ATP13A3: variants seen among roughly 807,000 people sequenced by gnomAD.
The protein encoded by ATP13A3 is ATPase 13A3.
A neutral mutation model predicts 158.1 loss-of-function variants in ATP13A3; 59 were observed. That is an observed-to-expected ratio of 0.37 (90% CI 0.30 to 0.46). The LOEUF is 0.46. ATP13A3 is among the 20% of genes least tolerant of loss of function. The pLI is 1.00. For missense variants in ATP13A3, 1,166 were observed against 1,525.2 expected, an observed-to-expected ratio of 0.76 and a Z score of 3.92; for synonymous variants, 491 against 504.3, an observed-to-expected ratio of 0.97 and a Z score of 0.35.
intron 31 of ATP13A3, among the ~76,000 whole-genome samples, chr3:194,415,899 T>C (rs1160519360): frequency 6.6e-6 from 1 of 152,154 alleles, no homozygotes; most frequent in Non-Finnish European, 1.5e-5. Flanking sequence ...TCACAAACTT[T>C]GTAAGTTTAA....
Position 194,404,060 on chromosome 3 carries a change from A to AATTG in ATP13A3, c.*1855_*1858dup, listed in dbSNP as rs1302355922. The AATTG allele has an allele frequency of 2.2e-6, 1 of 445,828 alleles. No individual in the cohort carries two copies. The highest frequency in any genetic ancestry group is 2.6e-5 in the Admixed American group (1 of 38,792). The allele number at this position is 445,828 out of a possible 1,614,324, so 27.6% of individuals were successfully genotyped here. A position where few individuals can be genotyped will look rare whatever the true frequency, so the allele number is the denominator to read the frequency against. ...ACTTAAACCAAAGAATAAAATGCAC[A>AATTG]ATTGTGGAAATCACTGAAGAATAAC... On this transcript the variant is annotated 3_prime_UTR_variant, in exon 34 of 34. Transcript: ENST00000645319.
At chr3:194,421,320 G>A (rs2153521) in intron 30 of ATP13A3, among the ~76,000 whole-genome samples, 35 of 146,730 alleles carry the variant, frequency 2.4e-4, no homozygotes, top group African/African-American at 8.9e-4. Flanking sequence ...TTGGGAGGCC[G>A]AGGCGGGCGG....
chr3:194,430,139 C>T lies in ATP13A3; in HGVS notation c.2710G>A (p.Glu904Lys), dbSNP rs1717111007. 5 of 1,613,994 alleles carry T rather than the reference C, an allele frequency of 3.1e-6. No individual in the cohort carries two copies. Among genetic ancestry groups the T allele is most frequent in the South Asian group, 2.2e-5 (2 of 91,082 alleles). The change falls in exon 26 of 34, where the codon GAA (glutamate) becomes AAA (lysine). Residue 904 changes from glutamate (E) to lysine (K), a missense_variant. Physicochemically the swap from Glu to Lys is moderately conservative, Grantham distance 56 (BLOSUM62 1). This residue lies in a region of ATP13A3 where 997 missense variants were observed against 1,341.2 expected (regional missense o/e 0.74). Coordinates refer to ENST00000645319, the MANE Select transcript of ATP13A3 (RefSeq NM_001367549.1). ...AHGGISLSEL[E>K]ASVASPFTSK... Reference sequence around the variant, plus strand: ...GTAAAGGGAGATGCCACTGAAGCTTCGAGCTCCGATAAGGAAATGCCTCCG... The same window carrying T: ...GTAAAGGGAGATGCCACTGAAGCTTTGAGCTCCGATAAGGAAATGCCTCCG...
chr3:194,445,551 TA>T (rs1718344358), intron 14 of ATP13A3, among the ~76,000 whole-genome samples: 1 of 152,198 alleles, frequency 6.6e-6, no homozygotes. Context: ...GGGTAATGAG[TA>T]AATGAGTGTT....
intron 33 of ATP13A3, among the ~76,000 whole-genome samples, chr3:194,409,598 G>C (rs1715198909): frequency 6.6e-6 from 1 of 151,760 alleles, no homozygotes; most frequent in South Asian, 2.1e-4. Flanking sequence ...ACAGATGATG[G>C]GGGTCTCCAC....
rs143962713 is a variant in ATP13A3, at chr3:194,421,883, C to T, written c.3314-1916G>A. 2.9e-4 allele frequency among the ~76,000 whole-genome samples: 42 copies of T among 143,072 alleles called. No individual in the cohort carries two copies. In the East Asian group the frequency reaches 8.4e-3, roughly 28 times the overall value. 93.9% of individuals were successfully genotyped at this position (143,072 alleles called of 152,430 possible). A position where few individuals can be genotyped will look rare whatever the true frequency, so the allele number is the denominator to read the frequency against. On this transcript the variant is annotated intron_variant, in intron 30 of 33. Coordinates refer to ENST00000645319, the MANE Select transcript of ATP13A3 (RefSeq NM_001367549.1). ...ATTGCATGTTTTTCAAATCTGATTG[C>T]ATTTTTCAAACCACAGCAAAAACAG...
In ATP13A3 at chr3:194,486,226, C is replaced by T. The variant is rs980166459; in HGVS notation, c.-89+340G>A. On this transcript the variant is annotated intron_variant, in intron 1 of 33. Transcript: ENST00000645319. ...CACGGCTGAGGACGAGCTAGGGTCC[C>T]GCACAGACTCATCGAGGGCCCTGCC... 2.6e-5 allele frequency among the ~76,000 whole-genome samples: 4 copies of T among 151,944 alleles called. No individual in the cohort carries two copies. The South Asian group carries it at 8.3e-4, about 32-fold the overall frequency.
chr3:194,484,541 G>A (rs1048183756), intron 2 of ATP13A3, among the ~76,000 whole-genome samples: 3 of 151,680 alleles, frequency 2.0e-5, no homozygotes, highest in South Asian at 2.1e-4. Context: ...GTGAGAATAA[G>A]CAGTGATGGG....
chr3:194,456,014 T>C, intron 7 of ATP13A3, 52 bp from the exon 8 acceptor site: 1 of 1,160,526 alleles, frequency 8.6e-7, no homozygotes, highest in Non-Finnish European at 1.2e-6. Context: ...AATAGTATAA[T>C]TTACGAAAGG....
intron 7 of ATP13A3, among the ~76,000 whole-genome samples, chr3:194,456,562 G>A (rs1719244364): frequency 6.6e-6 from 1 of 151,932 alleles, no homozygotes; most frequent in South Asian, 2.1e-4. Flanking sequence ...ATTTCTTATT[G>A]AATTTCAAAG....
intron 2 of ATP13A3, chr3:194,472,153 A>T (rs562183726): frequency 1.3e-5 from 2 of 154,392 alleles, no homozygotes; most frequent in African/African-American, 2.4e-5. Context: ...GCAGTGCCCA[A>T]TGACGACATT....
chr3:194,464,510 T>C (rs1163962369), intron 2 of ATP13A3, among the ~76,000 whole-genome samples: 2 of 152,224 alleles, frequency 1.3e-5, no homozygotes, highest in Non-Finnish European at 2.9e-5. Flanking sequence ...TTTCAAGGGC[T>C]GTGCCTGCTA....
intron 32 of ATP13A3, 49 bp from the exon 33 acceptor site, chr3:194,412,337 T>C (rs1370630282): frequency 7.3e-7 from 1 of 1,374,422 alleles, no homozygotes; most frequent in Admixed American, 2.0e-5. Flanking sequence ...TAAGTCATTT[T>C]TTATTAATGT....
At chr3:194,432,106 A>C (rs1187821673) in intron 21 of ATP13A3, 9 of 436,098 alleles carry the variant, frequency 2.1e-5, no homozygotes, top group Non-Finnish European at 3.6e-5. Context: ...TATGCTAAAG[A>C]AAACATCTCA....
At chr3:194,460,046 TCTTTA>T in intron 4 of ATP13A3, 75 bp from the exon 5 acceptor site, 1 of 1,210,204 alleles carries the variant, frequency 8.3e-7, no homozygotes, top group Non-Finnish European at 1.2e-6. Context: ...TATTTTCCAT[TCTTTA>T]CAAGACATTA....
chr3:194,437,490 A>G, intron 18 of ATP13A3, 26 bp from the exon 19 acceptor site: 1 of 1,613,812 alleles, frequency 6.2e-7, no homozygotes, highest in East Asian at 2.2e-5. Flanking sequence ...AGAGGCACAA[A>G]GCACTTAATA....
intron 8 of ATP13A3, among the ~76,000 whole-genome samples, chr3:194,455,020 C>T (rs1719121912): frequency 6.6e-6 from 1 of 152,194 alleles, no homozygotes; most frequent in African/African-American, 2.4e-5. Context: ...CAATAAAGTA[C>T]ATTTATTTCC....
intron 3 of ATP13A3, 98 bp downstream of exon 3, chr3:194,462,042 C>T: frequency 4.3e-6 from 5 of 1,150,764 alleles, no homozygotes; most frequent in Non-Finnish European, 6.4e-6. Flanking sequence ...TTAGCTGCTG[C>T]CGCCACTGTT....
At chr3:194,475,768 C>T (rs1466638583) in intron 2 of ATP13A3, among the ~76,000 whole-genome samples, 3 of 152,070 alleles carry the variant, frequency 2.0e-5, no homozygotes, top group Non-Finnish European at 2.9e-5. Context: ...TGTATTTAGG[C>T]ACTATAACAA....
Sources: gnomAD v4.1 joint callset for allele counts (sites outside exome capture counted in the v4.1 genomes callset) on GRCh38, gnomAD v4.1.1 for gene constraint, gnomAD v4.1.1 regional missense constraint, MANE v1.5 for transcripts, NCBI Gene and HGNC (gene_info 2026-07-23, HGNC 2026-07-21) for gene names.